Variants in ST6GALNAC3 observed in about 807,000 individuals in gnomAD.
The protein encoded by ST6GALNAC3 is ST6 N-acetylgalactosaminide alpha-2,6-sialyltransferase 3, also known as alpha-N-acetylgalactosaminide alpha-2,6-sialyltransferase 3.
Under a neutral mutation model 32.7 loss-of-function variants are expected in ST6GALNAC3, and 25 were observed. That is an observed-to-expected ratio of 0.76 (90% CI 0.56 to 1.07). The LOEUF (loss-of-function observed/expected upper bound fraction) is 1.07, where lower values mean the gene tolerates loss of function less well. ST6GALNAC3 is among the 50% of genes least tolerant of loss of function. The pLI is 0.00. For synonymous variants in ST6GALNAC3, 129 were observed against 133.1 expected, an observed-to-expected ratio of 0.97 and a Z score of 0.21; for missense variants, 355 against 382.4, an observed-to-expected ratio of 0.93 and a Z score of 0.60.
intron 2 of ST6GALNAC3, among the ~76,000 whole-genome samples, chr1:76,392,136 A>G (rs1339489537): frequency 2.6e-5 from 4 of 152,178 alleles, no homozygotes; most frequent in Non-Finnish European, 4.4e-5. Flanking sequence ...AATTGTAACA[A>G]TTGAAAAATG....
At chr1:76,525,283 G>C (rs1173263919) in intron 3 of ST6GALNAC3, among the ~76,000 whole-genome samples, 2 of 152,094 alleles carry the variant, frequency 1.3e-5, no homozygotes, top group African/African-American at 4.8e-5. Context: ...ACACTGACAT[G>C]AAGTTAAATT....
At chr1:76,251,489 A>G (rs761283200) in intron 1 of ST6GALNAC3, among the ~76,000 whole-genome samples, 1 of 152,142 alleles carries the variant, frequency 6.6e-6, no homozygotes, top group Non-Finnish European at 1.5e-5. Context: ...CTTGTCTCAC[A>G]TAGCACTAAA....
At chr1:76,428,408 A>G (rs887678183) in intron 3 of ST6GALNAC3, among the ~76,000 whole-genome samples, 1 of 152,138 alleles carries the variant, frequency 6.6e-6, no homozygotes, top group Admixed American at 6.6e-5. Flanking sequence ...TATACTTGAG[A>G]AAACCTTGTA....
intron 3 of ST6GALNAC3, among the ~76,000 whole-genome samples, chr1:76,492,190 G>T (rs576749516): frequency 6.6e-6 from 1 of 152,108 alleles, no homozygotes; most frequent in Admixed American, 6.6e-5. Context: ...TTTTAAGAAC[G>T]GACTGAAGGT....
intron 3 of ST6GALNAC3, among the ~76,000 whole-genome samples, chr1:76,519,060 G>A (rs766686606): frequency 1.2e-4 from 19 of 152,036 alleles, no homozygotes; most frequent in Non-Finnish European, 2.6e-4. Context: ...AAAATAAAAT[G>A]TATCACTTAG....
chr1:76,145,844 A>G (rs1650647799), intron 1 of ST6GALNAC3, among the ~76,000 whole-genome samples: 2 of 152,190 alleles, frequency 1.3e-5, no homozygotes, highest in Admixed American at 6.5e-5. Context: ...ATCACAAAAG[A>G]AATTTATGTG....
At chr1:76,572,797 G>A (rs1570324104) in intron 3 of ST6GALNAC3, among the ~76,000 whole-genome samples, 1 of 152,252 alleles carries the variant, frequency 6.6e-6, no homozygotes, top group South Asian at 2.1e-4. Context: ...TTGTTGCGGA[G>A]ACAGCAGGCA....
At chr1:76,076,029 T>G (rs1646812048) in intron 1 of ST6GALNAC3, among the ~76,000 whole-genome samples, 1 of 152,172 alleles carries the variant, frequency 6.6e-6, no homozygotes, top group African/African-American at 2.4e-5. Context: ...TCCCCTTCTT[T>G]GCGTAAAGGA....
At chr1:76,561,803 A>G (rs1665262707) in intron 3 of ST6GALNAC3, among the ~76,000 whole-genome samples, 1 of 152,218 alleles carries the variant, frequency 6.6e-6, no homozygotes, top group Non-Finnish European at 1.5e-5. Context: ...AAACTTTTAC[A>G]TGCATTTTCA....
intron 1 of ST6GALNAC3, among the ~76,000 whole-genome samples, chr1:76,210,797 A>G (rs975346284): frequency 3.3e-5 from 5 of 152,226 alleles, no homozygotes; most frequent in Admixed American, 3.3e-4. Flanking sequence ...CCCAGGCTGG[A>G]GTCCAATGGC....
intron 1 of ST6GALNAC3, among the ~76,000 whole-genome samples, chr1:76,205,733 A>G (rs1471859415): frequency 6.6e-6 from 1 of 152,334 alleles, no homozygotes; most frequent in Non-Finnish European, 1.5e-5. Context: ...TTCCACCTCT[A>G]TGTTATCTGA....
chr1:76,360,102 GA>G (rs1442835852), intron 2 of ST6GALNAC3, among the ~76,000 whole-genome samples: 1 of 152,090 alleles, frequency 6.6e-6, no homozygotes, highest in African/African-American at 2.4e-5. Context: ...TTATTTATCT[GA>G]ATAACTGTAT....
intron 3 of ST6GALNAC3, among the ~76,000 whole-genome samples, chr1:76,469,719 G>A (rs1658892506): frequency 6.6e-6 from 1 of 152,060 alleles, no homozygotes; most frequent in South Asian, 2.1e-4. Context: ...CAAAGTCTTG[G>A]CAATGTAATG....
intron 3 of ST6GALNAC3, among the ~76,000 whole-genome samples, chr1:76,429,918 A>T (rs758166110): frequency 6.6e-6 from 1 of 152,178 alleles, no homozygotes; most frequent in Non-Finnish European, 1.5e-5. Flanking sequence ...TACAAATGAA[A>T]CATTCTCTCC....
At chr1:76,449,684 A>G (rs1571264640) in intron 3 of ST6GALNAC3, among the ~76,000 whole-genome samples, 2 of 152,318 alleles carry the variant, frequency 1.3e-5, no homozygotes, top group East Asian at 3.9e-4. Context: ...ATCTTTTCAT[A>G]TGCTTATTTG....
At chr1:76,331,345 A>G (rs574764309) in intron 2 of ST6GALNAC3, among the ~76,000 whole-genome samples, 2 of 152,148 alleles carry the variant, frequency 1.3e-5, no homozygotes, top group South Asian at 2.1e-4. Context: ...CAGATAAACA[A>G]ATGTCCAGAG....
chr1:76,295,910 C>A (rs1660376532), intron 1 of ST6GALNAC3, among the ~76,000 whole-genome samples: 4 of 151,982 alleles, frequency 2.6e-5, no homozygotes, highest in Admixed American at 2.0e-4. Context: ...ACATGAAATC[C>A]ATAGGGGAAT....
chr1:76,410,499 G>T (rs919490276), intron 2 of ST6GALNAC3, among the ~76,000 whole-genome samples: 1 of 151,728 alleles, frequency 6.6e-6, no homozygotes, highest in East Asian at 1.9e-4. Context: ...TAATTTTCTC[G>T]ATTTAGTACT....
intron 3 of ST6GALNAC3, among the ~76,000 whole-genome samples, chr1:76,486,997 C>T (rs918199911): frequency 2.6e-5 from 4 of 152,092 alleles, no homozygotes; most frequent in Non-Finnish European, 4.4e-5. Context: ...CTTAGTTTGG[C>T]TGGATATGAA....
Sources: gnomAD v4.1 joint callset for allele counts (sites outside exome capture counted in the v4.1 genomes callset) on GRCh38, gnomAD v4.1.1 for gene constraint, MANE v1.5 for transcripts, NCBI Gene and HGNC (gene_info 2026-07-23, HGNC 2026-07-21) for gene names.